Variants in DYM observed in about 807,000 individuals in gnomAD.
DYM encodes dyggve-Melchior-Clausen syndrome protein.
A neutral mutation model predicts 93.1 loss-of-function variants in DYM; 78 were observed. The ratio of observed to expected loss-of-function variants is 0.84; its 90% CI spans 0.70 to 1.01. DYM has a LOEUF of 1.01. Among genes scored for constraint, DYM ranks in the 50% least tolerant of loss-of-function variants. DYM has a pLI of 0.00. For synonymous variants in DYM, 321 were observed against 319.7 expected, an observed-to-expected ratio of 1.00 and a Z score of -0.04; for missense variants, 789 against 845.0, an observed-to-expected ratio of 0.93 and a Z score of 0.82.
rs368110685 is a variant in DYM at position 49,354,429 on chromosome 18, A to T, written c.494+8732T>A. The stretch of plus-strand genomic sequence containing the variant: ...AAAGACATGATCCATCAAAAAAATA[A>T]CTGAGAGCAAGGGCCTCATTAAAAT... On this transcript the variant is annotated intron_variant, in intron 6 of 17. Transcript: ENST00000675505. Among the ~76,000 whole-genome samples, 410 of 152,178 alleles carry T rather than the reference A, an allele frequency of 2.7e-3. 24 individuals are homozygous for T. The South Asian group carries it at 0.076, about 28-fold the overall frequency.
At chr18:49,080,699 C>T (rs1373547940) in intron 17 of DYM, among the ~76,000 whole-genome samples, 3 of 149,118 alleles carry the variant, frequency 2.0e-5, no homozygotes, top group African/African-American at 4.9e-5. Flanking sequence ...CTCCTCACTT[C>T]CCAGACGGGG....
At chr18:49,268,095 T>C (rs954972215) in intron 11 of DYM, among the ~76,000 whole-genome samples, 1 of 152,180 alleles carries the variant, frequency 6.6e-6, no homozygotes, top group African/African-American at 2.4e-5. Flanking sequence ...CAAAAAGATA[T>C]ATATGCACAC....
intron 1 of DYM, among the ~76,000 whole-genome samples, chr18:49,457,765 C>G (rs761983741): frequency 1.3e-5 from 2 of 152,150 alleles, no homozygotes. Flanking sequence ...TTAAGAACCT[C>G]GAGGGGGGAT....
chr18:49,313,005 G>A (rs1014591364), intron 8 of DYM, among the ~76,000 whole-genome samples: 3 of 152,198 alleles, frequency 2.0e-5, no homozygotes, highest in African/African-American at 7.2e-5. Flanking sequence ...AATCCTTGAA[G>A]CTATCAGAAG....
chr18:49,167,143 A>G (rs1049469818), intron 14 of DYM, among the ~76,000 whole-genome samples: 4 of 152,062 alleles, frequency 2.6e-5, no homozygotes, highest in African/African-American at 4.8e-5. Flanking sequence ...GGACCAGAGC[A>G]AAAAACACTT....
chr18:49,420,799 G>A (rs1476062086), intron 2 of DYM, among the ~76,000 whole-genome samples: 2 of 152,096 alleles, frequency 1.3e-5, no homozygotes, highest in Admixed American at 1.3e-4. Context: ...TGGAAAATCA[G>A]GTCACTCCCA....
At chr18:49,046,452 C>G (rs1031239824) in intron 17 of DYM, among the ~76,000 whole-genome samples, 2 of 150,508 alleles carry the variant, frequency 1.3e-5, no homozygotes, top group African/African-American at 4.9e-5. Flanking sequence ...TACCCACACA[C>G]TCACATGCAG....
Position 49,433,288 on chromosome 18 carries a change from A to G in DYM, c.-53-2841T>C, listed in dbSNP as rs2080508015. On this transcript the variant is annotated intron_variant, in intron 1 of 17. Coordinates refer to ENST00000675505, the MANE Select transcript of DYM (RefSeq NM_001353214.3). ...TGAATAATAGTTATATGGAGAATAA[A>G]GTAAATAATTTCGTATAGACTACAA... 2.0e-5 allele frequency among the ~76,000 whole-genome samples: 3 copies of G among 152,250 alleles called. No individual in the cohort carries two copies. The East Asian group carries it at 5.8e-4, about 29-fold the overall frequency.
intron 8 of DYM, among the ~76,000 whole-genome samples, chr18:49,330,421 A>G (rs1317790952): frequency 6.6e-6 from 1 of 152,192 alleles, no homozygotes; most frequent in East Asian, 1.9e-4. Context: ...CCTTCCTGCT[A>G]TCTAGTTAGG....
At chr18:49,073,942 G>A (rs1051025694) in intron 17 of DYM, among the ~76,000 whole-genome samples, 4 of 152,120 alleles carry the variant, frequency 2.6e-5, no homozygotes, top group African/African-American at 9.7e-5. Flanking sequence ...TGTTACACTC[G>A]CTTTATTAAG....
chr18:49,068,944 A>C (rs553860319), intron 17 of DYM, among the ~76,000 whole-genome samples: 1 of 152,358 alleles, frequency 6.6e-6, no homozygotes, highest in South Asian at 2.1e-4. Flanking sequence ...ACCAGGAGAA[A>C]GTTTACAATG....
In DYM at chr18:49,340,348, CAG is replaced by C. The variant is rs533509036; in HGVS notation, c.495-6497_495-6496del. Among the ~76,000 whole-genome samples the C allele has an allele frequency of 1.8e-4, 28 of 151,784 alleles. No homozygotes were observed. The South Asian group carries it at 5.0e-3, about 27-fold the overall frequency. On this transcript the variant is annotated intron_variant, in intron 6 of 17. Coordinates refer to ENST00000675505, the MANE Select transcript of DYM (RefSeq NM_001353214.3). ...TTGAGAGGAAAAAAGTAAAAAAAAA[CAG>C]AATGAGTTCTATAACACAATTCTAT...
chr18:49,420,974 G>A (rs1015805782), intron 2 of DYM, among the ~76,000 whole-genome samples: 3 of 152,180 alleles, frequency 2.0e-5, no homozygotes, highest in Admixed American at 2.0e-4. Flanking sequence ...AGGGGCACCT[G>A]CCATTGCTGA....
chr18:49,141,302 C>CT (rs1210211804), intron 15 of DYM, among the ~76,000 whole-genome samples: 1 of 152,142 alleles, frequency 6.6e-6, no homozygotes, highest in Non-Finnish European at 1.5e-5. Context: ...CTCCACAGTG[C>CT]TTTTTTCAAA....
At chr18:49,126,972 A>G (rs921957720) in intron 15 of DYM, among the ~76,000 whole-genome samples, 5 of 152,230 alleles carry the variant, frequency 3.3e-5, no homozygotes, top group Admixed American at 6.5e-5. Flanking sequence ...CATTTATGAA[A>G]TAAGATTTTA....
At chr18:49,163,547 T>G in intron 15 of DYM, 138 bp downstream of exon 15, 2 of 606,324 alleles carry the variant, frequency 3.3e-6, no homozygotes, top group Non-Finnish European at 6.1e-6. Context: ...GGTTTCACCA[T>G]GTTGGCCAGG....
At chr18:49,321,957 C>G (rs571001125) in intron 8 of DYM, among the ~76,000 whole-genome samples, 23 of 152,158 alleles carry the variant, frequency 1.5e-4, no homozygotes, top group Admixed American at 2.0e-4. Context: ...TAGTTTTTCT[C>G]TCTCAATGAG....
intron 15 of DYM, among the ~76,000 whole-genome samples, chr18:49,119,780 A>G (rs2082215331): frequency 6.6e-6 from 1 of 151,658 alleles, no homozygotes; most frequent in South Asian, 2.1e-4. Flanking sequence ...CTGCCTGAGG[A>G]AAAAAAAATA....
chr18:49,430,702 C>G (rs1234396605), intron 1 of DYM, among the ~76,000 whole-genome samples: 1 of 151,850 alleles, frequency 6.6e-6, no homozygotes, highest in Non-Finnish European at 1.5e-5. Context: ...CTGGCCAACA[C>G]GGTGAAACCC....
Sources: gnomAD v4.1 joint callset for allele counts (sites outside exome capture counted in the v4.1 genomes callset) on GRCh38, gnomAD v4.1.1 for gene constraint, MANE v1.5 for transcripts, NCBI Gene and HGNC (gene_info 2026-07-23, HGNC 2026-07-21) for gene names.